Variants in CACNA1E observed in about 807,000 individuals in gnomAD.
CACNA1E encodes the protein calcium voltage-gated channel subunit alpha1 E, also known as voltage-dependent R-type calcium channel subunit alpha-1E.
Under a neutral mutation model 259.2 loss-of-function variants are expected in CACNA1E, and 40 were observed. The observed-to-expected ratio is 0.15, with a 90% CI of 0.12 to 0.20. The LOEUF (loss-of-function observed/expected upper bound fraction) is 0.20. CACNA1E is among the 10% of genes least tolerant of loss of function. The pLI is 1.00. For missense variants in CACNA1E, 1,874 were observed against 3,040.1 expected, an observed-to-expected ratio of 0.62 and a Z score of 9.02; for synonymous variants, 1,104 against 1,138.5, an observed-to-expected ratio of 0.97 and a Z score of 0.61.
chr1:181,375,721 C>A (rs983677991), intron 1 of CACNA1E, among the ~76,000 whole-genome samples: 2 of 152,130 alleles, frequency 1.3e-5, no homozygotes, highest in Non-Finnish European at 2.9e-5. Flanking sequence ...CAATGGCAAG[C>A]AATGGAGCCC....
chr1:181,355,684 C>A (rs1395473800), intron 1 of CACNA1E, among the ~76,000 whole-genome samples: 2 of 152,128 alleles, frequency 1.3e-5, no homozygotes, highest in African/African-American at 4.8e-5. Context: ...ATTAAGTGCT[C>A]ATTTTATTGA....
chr1:181,724,861 C>T (rs1422027497), intron 17 of CACNA1E, among the ~76,000 whole-genome samples: 1 of 152,202 alleles, frequency 6.6e-6, no homozygotes, highest in East Asian at 1.9e-4. Context: ...TTTTAAGTTC[C>T]ACCTCTGCTA....
intron 2 of CACNA1E, among the ~76,000 whole-genome samples, chr1:181,433,332 C>T (rs749006663): frequency 3.9e-5 from 6 of 152,202 alleles, no homozygotes; most frequent in South Asian, 4.1e-4. Context: ...TCACTTCCCT[C>T]GCTTTTTCTC....
intron 2 of CACNA1E, among the ~76,000 whole-genome samples, chr1:181,466,397 T>A (rs1662160472): frequency 6.6e-6 from 1 of 150,912 alleles, no homozygotes; most frequent in African/African-American, 2.4e-5. Flanking sequence ...AAAAAAAAAA[T>A]TAAGCCTTGT....
chr1:181,534,543 A>G (rs944033083), intron 3 of CACNA1E, among the ~76,000 whole-genome samples: 1 of 152,160 alleles, frequency 6.6e-6, no homozygotes, highest in Non-Finnish European at 1.5e-5. Flanking sequence ...AAGACTATGT[A>G]TTGGGTACAG....
chr1:181,406,775 G>T (rs151139246), intron 1 of CACNA1E, among the ~76,000 whole-genome samples: 5 of 151,904 alleles, frequency 3.3e-5, no homozygotes, highest in African/African-American at 1.2e-4. Context: ...GGTGAGCGTG[G>T]AGTTGGGATT....
chr1:181,668,794 T>C (rs1475032557), intron 7 of CACNA1E: 4 of 151,766 alleles, frequency 2.6e-5, no homozygotes, highest in Admixed American at 1.3e-4. Flanking sequence ...CTTTGAGAGG[T>C]TGAGGCAGGA....
chr1:181,391,925 GTC>G (rs58946698), intron 1 of CACNA1E, among the ~76,000 whole-genome samples: 1,887 of 147,680 alleles, frequency 0.013, 33 homozygotes, highest in African/African-American at 0.03. Context: ...CTCTCTCTCT[GTC>G]TCTCTCTCTC....
chr1:181,322,512 C>T (rs935345043), intron 1 of CACNA1E, among the ~76,000 whole-genome samples: 1 of 152,192 alleles, frequency 6.6e-6, no homozygotes, highest in Non-Finnish European at 1.5e-5. Context: ...AATAAAGTAC[C>T]TTCCTGGCAG....
At position 181,758,911 on chromosome 1, in the gene CACNA1E, T is replaced by C. The variant is rs369823742; in HGVS notation, c.4605+43T>C. ...TCCCAGCACTGGGCTTGTCTCTTTC[T>C]GTTGGGTGCCTTCCCAGTCTTTGTT... On this transcript the variant is annotated intron_variant, in intron 32 of 47. Transcript: ENST00000367573. This position sits in a 1 kb window ranked among gnomAD's most constrained non-coding sequence, Gnocchi z 4.2. 1 of 1,093,412 alleles carries C rather than the reference T, an allele frequency of 9.1e-7. No homozygotes were observed. Among genetic ancestry groups the C allele is most frequent in the Non-Finnish European group, 1.4e-6 (1 of 716,892 alleles). The allele number at this position is 1,093,412 out of a possible 1,614,324, so 67.7% of individuals were successfully genotyped here.
chr1:181,642,897 A>G (rs1657925933), intron 6 of CACNA1E, among the ~76,000 whole-genome samples: 2 of 152,042 alleles, frequency 1.3e-5, no homozygotes, highest in Admixed American at 1.3e-4. Flanking sequence ...ATGTTTTTCT[A>G]ATAATCATTT....
chr1:181,642,014 G>C (rs1269488425), intron 6 of CACNA1E, among the ~76,000 whole-genome samples: 1 of 151,860 alleles, frequency 6.6e-6, no homozygotes, highest in African/African-American at 2.4e-5. Context: ...GCCTGGCCTG[G>C]GGCAACACTA....
chr1:181,376,932 T>C (rs949780235), intron 1 of CACNA1E, among the ~76,000 whole-genome samples: 2 of 152,252 alleles, frequency 1.3e-5, no homozygotes, highest in East Asian at 3.9e-4. Flanking sequence ...CCTCCTACCA[T>C]TTGCATGATG....
intron 1 of CACNA1E, among the ~76,000 whole-genome samples, chr1:181,363,005 T>A (rs1466934571): frequency 6.6e-6 from 1 of 152,094 alleles, no homozygotes; most frequent in African/African-American, 2.4e-5. Flanking sequence ...CCATCATAGG[T>A]CTGACATCAT....
Position 181,788,336 on chromosome 1 carries a change from C to T in CACNA1E, c.5787-2109C>T, listed in dbSNP as rs77294804. On this transcript the variant is annotated intron_variant, in intron 43 of 47. Transcript: ENST00000367573. ...CTCAGAACCATCTGTGTTTCTAGAG[C>T]CATGCATTGTTCAGTAGAGGTTGAT... Among the ~76,000 whole-genome samples, 351 of 152,176 alleles carry T rather than the reference C, an allele frequency of 2.3e-3. 4 individuals carry two copies. Among genetic ancestry groups the T allele is most frequent in the East Asian group, 0.019 (97 of 5,164 alleles).
At chr1:181,753,659 C>A (rs1478685253) in intron 27 of CACNA1E, among the ~76,000 whole-genome samples, 1 of 152,178 alleles carries the variant, frequency 6.6e-6, no homozygotes, top group African/African-American at 2.4e-5. Context: ...GGCTCTTGTG[C>A]ACTTGGCTCT....
rs770456006 is a variant in CACNA1E at position 181,798,742 on chromosome 1, C to T, written c.6850C>T (p.Arg2284Trp). ...HSWQMPNGHY[R>W]RRRRGGPGPG... ...CTGGCAGATGCCCAACGGGCACTAT[C>T]GGCGGCGGAGGCGCGGGGGGCCTGG... The change falls in exon 48 of 48, where the codon CGG becomes TGG. Residue 2284 changes from arginine (R) to tryptophan (W), a missense_variant. Arg to Trp is a moderately radical substitution (Grantham distance 101, BLOSUM62 -3). Around this residue, in one of 14 missense-constraint regions of CACNA1E, gnomAD observed 542 missense variants for 587.2 expected, o/e 0.92. Coordinates refer to ENST00000367573, the MANE Select transcript of CACNA1E (RefSeq NM_001205293.3). This position sits in a 1 kb window ranked among gnomAD's most constrained non-coding sequence, Gnocchi z 4.2. The T allele has an allele frequency of 1.2e-5, 19 of 1,606,100 alleles. No individual in the cohort carries two copies. The highest frequency in any genetic ancestry group is 4.4e-5 in the South Asian group (4 of 90,570).
chr1:181,335,524 G>C (rs1651637847), intron 1 of CACNA1E, among the ~76,000 whole-genome samples: 1 of 152,182 alleles, frequency 6.6e-6, no homozygotes, highest in African/African-American at 2.4e-5. Flanking sequence ...TACCCTCTTT[G>C]GATTCACAGG....
chr1:181,751,990 T>C, intron 26 of CACNA1E, 153 bp from the exon 27 acceptor site: 1 of 710,344 alleles, frequency 1.4e-6, no homozygotes, highest in South Asian at 1.5e-5. Flanking sequence ...AGGATGTCCC[T>C]GGAGTCAAAT....
Sources: allele counts gnomAD v4.1 joint callset (sites outside exome capture counted in the v4.1 genomes callset), GRCh38; gene constraint gnomAD v4.1.1; regional missense constraint gnomAD v4.1.1; non-coding constraint Gnocchi (gnomAD v3.1); transcripts MANE v1.5; gene names NCBI Gene and HGNC (gene_info 2026-07-23, HGNC 2026-07-21).